Variants in HDX observed in about 807,000 individuals in gnomAD.
HDX encodes the protein chromosome X open reading frame 43.
A neutral mutation model predicts 45.2 loss-of-function variants in HDX; 19 were observed. That is an observed-to-expected ratio of 0.42 (90% confidence interval 0.29 to 0.62). The LOEUF is 0.62. HDX is among the 20% of genes least tolerant of loss of function. The probability of loss-of-function intolerance (pLI) is 0.20; values close to 1 mark genes in which losing one functional copy is unlikely to be tolerated. For synonymous variants in HDX, 188 were observed against 172.8 expected (o/e 1.09, Z -0.69); for missense variants, 532 against 493.9 (o/e 1.08, Z -0.73).
chrX:84,382,218 A>T (rs959087996), intron 5 of HDX, among the ~76,000 whole-genome samples: 2 of 111,499 alleles, frequency 1.8e-5, no homozygotes, highest in African/African-American at 3.3e-5. Context: ...AGGATGTGGA[A>T]AAAGGGGAAC....
chrX:84,340,265 A>T (rs1274575051), intron 7 of HDX, among the ~76,000 whole-genome samples: 4 of 111,245 alleles, frequency 3.6e-5, no homozygotes, highest in Non-Finnish European at 7.6e-5. Flanking sequence ...ACTGAATTTT[A>T]AAAAAATCTT....
chrX:84,480,293 G>A (rs1266552740), intron 2 of HDX, among the ~76,000 whole-genome samples: 1 of 111,374 alleles, frequency 9.0e-6, no homozygotes, highest in Non-Finnish European at 1.9e-5. Flanking sequence ...CACAAACAGG[G>A]ACAAGCTTAT....
chrX:84,487,958 TC>T (rs1320982231), intron 2 of HDX, 65 bp downstream of exon 2: 1 of 111,772 alleles, frequency 8.9e-6, no homozygotes, highest in Non-Finnish European at 1.9e-5. Context: ...GCTCCATAGT[TC>T]CATGAGATGG....
intron 4 of HDX, among the ~76,000 whole-genome samples, chrX:84,450,054 A>G (rs1245592903): frequency 9.0e-6 from 1 of 110,992 alleles, no homozygotes; most frequent in African/African-American, 3.3e-5. Context: ...ATGTATACAT[A>G]TGTAACAAAC....
At chrX:84,349,599 A>G (rs1164812931) in intron 6 of HDX, among the ~76,000 whole-genome samples, 1 of 80,283 alleles carries the variant, frequency 1.2e-5, no homozygotes, top group African/African-American at 5.8e-5. Flanking sequence ...CTATATGTTT[A>G]TGTGTGTGTG....
chrX:84,438,781 A>G (rs2039694262), intron 5 of HDX, among the ~76,000 whole-genome samples: 1 of 111,422 alleles, frequency 9.0e-6, no homozygotes, highest in African/African-American at 3.3e-5. Context: ...CATATACTTC[A>G]CTGTTGATGG....
intron 10 of HDX, among the ~76,000 whole-genome samples, chrX:84,325,349 G>A (rs191375902): frequency 9.0e-6 from 1 of 111,342 alleles, no homozygotes; most frequent in East Asian, 2.8e-4. Context: ...AAACCTCTGA[G>A]ACTGTTTCCT....
In HDX at chrX:84,452,954, A is replaced by G. The variant is rs185619647; in HGVS notation, c.1252-12369T>C. On this transcript the variant is annotated intron_variant, in intron 4 of 10. Coordinates refer to ENST00000373177, the MANE Select transcript of HDX (RefSeq NM_001177479.2). ...GACCTCAAAAGAAAAGGCAACAAAAACAAAAATAGATAAAAGGGACTAAAT... is the reference window on the plus strand; with the variant it reads ...GACCTCAAAAGAAAAGGCAACAAAAGCAAAAATAGATAAAAGGGACTAAAT... Among the ~76,000 whole-genome samples the G allele has an allele frequency of 3.6e-3, 401 of 112,327 alleles. 2 individuals carry two copies. Among genetic ancestry groups the G allele is most frequent in the Non-Finnish European group, 7.5e-4 (40 of 53,202 alleles).
intron 5 of HDX, among the ~76,000 whole-genome samples, chrX:84,420,075 A>G (rs6623025): frequency 8.9e-6 from 1 of 111,892 alleles, no homozygotes. Flanking sequence ...ATAAATGCCT[A>G]ACTCATCAAT....
At chrX:84,417,522 T>A (rs1352109870) in intron 5 of HDX, among the ~76,000 whole-genome samples, 1 of 112,250 alleles carries the variant, frequency 8.9e-6, no homozygotes, top group African/African-American at 3.2e-5. Context: ...ATATACAATA[T>A]CTCTTGACTT....
intron 5 of HDX, among the ~76,000 whole-genome samples, chrX:84,427,324 A>G (rs1055909974): frequency 8.1e-5 from 9 of 111,186 alleles, no homozygotes; most frequent in Non-Finnish European, 1.7e-4. Flanking sequence ...TAATTAACAT[A>G]CAATAAATTG....
intron 5 of HDX, among the ~76,000 whole-genome samples, chrX:84,398,041 A>T (rs1252277403): frequency 1.8e-5 from 2 of 110,064 alleles, no homozygotes; most frequent in Non-Finnish European, 3.8e-5. Context: ...TGACCCACAG[A>T]GAGAAAGGAA....
Position 84,320,577 on chromosome X carries a change from G to A in HDX, c.*1312C>T, listed in dbSNP as rs188925966. ...ACAAATTGGAAACAGAAACTTGATG[G>A]CTGAAACAGCCATCCAGCTACTTCA... On this transcript the variant is annotated 3_prime_UTR_variant, in exon 11 of 11. Coordinates refer to ENST00000373177, the MANE Select transcript of HDX (RefSeq NM_001177479.2). 291 of 111,084 alleles carry A rather than the reference G, an allele frequency of 2.6e-3. 2 individuals carry two copies. Among genetic ancestry groups the A allele is most frequent in the African/African-American group, 9.1e-3 (281 of 30,815 alleles). The allele number at this position is 111,084 out of a possible 1,213,427, so 9.2% of individuals were successfully genotyped here. A position where few individuals can be genotyped will look rare whatever the true frequency, so the allele number is the denominator to read the frequency against.
At chrX:84,409,433 T>C (rs1311171347) in intron 5 of HDX, among the ~76,000 whole-genome samples, 1 of 110,724 alleles carries the variant, frequency 9.0e-6, no homozygotes, top group East Asian at 2.9e-4. Context: ...TGTATGTTAA[T>C]TGCGGCACTA....
chrX:84,415,209 T>C (rs2039076342), intron 5 of HDX, among the ~76,000 whole-genome samples: 2 of 112,172 alleles, frequency 1.8e-5, no homozygotes, highest in Admixed American at 1.9e-4. Flanking sequence ...ATACCACTTT[T>C]CTACTGCTAA....
At chrX:84,332,974 T>A (rs368720002) in intron 9 of HDX, among the ~76,000 whole-genome samples, 1 of 111,716 alleles carries the variant, frequency 9.0e-6, no homozygotes, top group East Asian at 2.8e-4. Flanking sequence ...AGCTGTTATA[T>A]TTTCTGATTA....
intron 5 of HDX, among the ~76,000 whole-genome samples, chrX:84,383,976 C>G (rs907403225): frequency 1.8e-5 from 2 of 109,900 alleles, no homozygotes; most frequent in African/African-American, 6.6e-5. Flanking sequence ...GTGGATTCTA[C>G]GTCTTTACGA....
chrX:84,359,550 C>T (rs2147844322), intron 6 of HDX, among the ~76,000 whole-genome samples: 1 of 111,894 alleles, frequency 8.9e-6, no homozygotes, highest in African/African-American at 3.2e-5. Flanking sequence ...GCATAGTATT[C>T]CATGTTGTAT....
intron 5 of HDX, among the ~76,000 whole-genome samples, chrX:84,413,095 T>A (rs1483351230): frequency 8.9e-6 from 1 of 111,871 alleles, no homozygotes; most frequent in African/African-American, 3.3e-5. Context: ...TTCAATTTTC[T>A]CCTGAATCTT....
Sources: gnomAD v4.1 joint callset for allele counts (sites outside exome capture counted in the v4.1 genomes callset) on GRCh38, gnomAD v4.1.1 for gene constraint, MANE v1.5 for transcripts, NCBI Gene and HGNC (gene_info 2026-07-23, HGNC 2026-07-21) for gene names.